The following CD226 variants were observed in gnomAD, a reference collection of about 807,000 sequenced individuals.
The protein encoded by CD226 is CD226 antigen.
Under a neutral mutation model 34.9 loss-of-function variants are expected in CD226, and 24 were observed. The observed-to-expected ratio is 0.69, with a 90% CI of 0.50 to 0.97. The LOEUF is 0.97. Ranked by LOEUF, CD226 falls within the 50% of genes least tolerant of loss-of-function variation. The probability of loss-of-function intolerance (pLI) is 0.00; values close to 1 mark genes in which losing one functional copy is unlikely to be tolerated. For synonymous variants in CD226, 148 were observed against 147.4 expected (o/e 1.00, Z -0.03); for missense variants, 397 against 412.7 (o/e 0.96, Z 0.33).
intron 2 of CD226, among the ~76,000 whole-genome samples, chr18:69,914,959 G>GT (rs2145295320): frequency 6.6e-6 from 1 of 152,280 alleles, no homozygotes; most frequent in South Asian, 2.1e-4. Flanking sequence ...TTACTTTGAA[G>GT]TATTAGAGCT....
intron 4 of CD226, among the ~76,000 whole-genome samples, chr18:69,869,476 G>A (rs1402937636): frequency 2.0e-5 from 3 of 152,076 alleles, no homozygotes; most frequent in Non-Finnish European, 2.9e-5. Flanking sequence ...ACACATAGAC[G>A]GGAACAACAC....
chr18:69,958,295 A>C (rs2055912269), upstream of CD226, among the ~76,000 whole-genome samples: 1 of 152,210 alleles, frequency 6.6e-6, no homozygotes, highest in East Asian at 1.9e-4. Flanking sequence ...CCAGGTGCTC[A>C]GTCAGCACTT....
At chr18:69,881,520 G>A (rs113363075) in intron 3 of CD226, among the ~76,000 whole-genome samples, 108 of 152,252 alleles carry the variant, frequency 7.1e-4, no homozygotes, top group Middle Eastern at 3.4e-3. Flanking sequence ...AACCACAAGG[G>A]TAGCTATGAG....
At chr18:69,927,471 T>C (rs2055536898) in intron 2 of CD226, among the ~76,000 whole-genome samples, 2 of 152,270 alleles carry the variant, frequency 1.3e-5, no homozygotes, top group Non-Finnish European at 1.5e-5. Context: ...CATTGTTGTA[T>C]ACCCAATTTT....
intron 3 of CD226, among the ~76,000 whole-genome samples, chr18:69,892,528 A>G (rs1308583057): frequency 6.6e-6 from 1 of 152,208 alleles, no homozygotes. Context: ...ACATTTCAGG[A>G]CATAAGTGCA....
rs1982677406 is a variant in CD226 at position 69,858,561 on chromosome 18, C to G, written c.*5753G>C. 1 of 152,034 alleles carries G rather than the reference C, an allele frequency of 6.6e-6. No individual in the cohort carries two copies. The highest frequency in any genetic ancestry group is 1.5e-5 in the Non-Finnish European group (1 of 68,044). The allele number at this position is 152,034 out of a possible 1,614,324, so 9.4% of individuals were successfully genotyped here. ...CTGCTCAGATTCACTGCCCTGTGTT[C>G]TAGGGAGGGTATCGAAGCCCAAATT... On this transcript the variant is annotated 3_prime_UTR_variant, in exon 6 of 6. Transcript: ENST00000582621.
chr18:69,893,361 T>A (rs1985018007), intron 3 of CD226, among the ~76,000 whole-genome samples: 1 of 152,240 alleles, frequency 6.6e-6, no homozygotes, highest in Non-Finnish European at 1.5e-5. Flanking sequence ...AGAAACTTAG[T>A]CATCTTTGGA....
chr18:69,875,121 C>T (rs1788099), intron 3 of CD226, among the ~76,000 whole-genome samples: 147,857 of 152,296 alleles, frequency 0.97, 71,957 homozygotes, highest in East Asian at 1. Flanking sequence ...CATATGATAG[C>T]TTTATTTATT....
At chr18:69,940,946 C>T (rs1340938757) in intron 2 of CD226, among the ~76,000 whole-genome samples, 2 of 152,208 alleles carry the variant, frequency 1.3e-5, no homozygotes, top group Non-Finnish European at 2.9e-5. Flanking sequence ...AGACCCCCTG[C>T]TCTATGCAGC....
At chr18:69,920,610 T>C (rs894796996) in intron 2 of CD226, among the ~76,000 whole-genome samples, 2 of 152,198 alleles carry the variant, frequency 1.3e-5, no homozygotes, top group African/African-American at 4.8e-5. Context: ...ATGTTGTTAT[T>C]TGGGCCAATT....
chr18:69,929,944 G>A (rs1297718959), intron 2 of CD226, among the ~76,000 whole-genome samples: 1 of 152,134 alleles, frequency 6.6e-6, no homozygotes, highest in Non-Finnish European at 1.5e-5. Context: ...CCAGAAATAT[G>A]GAAATTCCAC....
chr18:69,950,190 TCACATGCA>T (rs1179052876), upstream of CD226, among the ~76,000 whole-genome samples: 2 of 151,440 alleles, frequency 1.3e-5, no homozygotes, highest in African/African-American at 4.9e-5. Flanking sequence ...ATGCATACAC[TCACATGCA>T]CGCACACATG....
chr18:69,895,214 G>T (rs1489933056), intron 3 of CD226, among the ~76,000 whole-genome samples: 5 of 152,134 alleles, frequency 3.3e-5, no homozygotes, highest in African/African-American at 1.2e-4. Flanking sequence ...AGAAAAAAAG[G>T]CTCCTGTCTG....
chr18:69,918,077 G>A (rs141909587), intron 2 of CD226, among the ~76,000 whole-genome samples: 135 of 152,322 alleles, frequency 8.9e-4, no homozygotes, highest in African/African-American at 3.1e-3. Context: ...CAACATGGAG[G>A]TGAGTTCATC....
At chr18:69,869,262 G>A (rs537522400) in intron 4 of CD226, among the ~76,000 whole-genome samples, 4 of 152,240 alleles carry the variant, frequency 2.6e-5, no homozygotes, top group African/African-American at 4.8e-5. Context: ...CTCAATACCC[G>A]TCAATGATAG....
chr18:69,936,050 G>A (rs1265183481), intron 2 of CD226, among the ~76,000 whole-genome samples: 3 of 152,132 alleles, frequency 2.0e-5, no homozygotes, highest in Non-Finnish European at 4.4e-5. Context: ...GCATAAAGGA[G>A]GTGAAGGAGG....
intron 2 of CD226, 136 bp from the exon 3 acceptor site, chr18:69,896,181 C>CCTT: frequency 8.3e-7 from 1 of 1,206,304 alleles, no homozygotes; most frequent in Non-Finnish European, 1.1e-6. Context: ...CTTTATACTA[C>CCTT]TTTTTTTTTT....
In CD226 at chr18:69,896,251, G is replaced by A. The variant is rs371663677; in HGVS notation, c.383-206C>T. 9.5e-5 allele frequency: 61 copies of A among 638,914 alleles called. No homozygotes were observed. The East Asian group carries it at 5.4e-3, about 56-fold the overall frequency. 39.6% of individuals were successfully genotyped at this position (638,914 alleles called of 1,614,324 possible). ...GACTAGAGTGCAGTGGTGTGATCTC[G>A]GCTCAATGCAACCTCCACCTCCCAG... On this transcript the variant is annotated intron_variant, in intron 2 of 5. Coordinates refer to ENST00000582621, the MANE Select transcript of CD226 (RefSeq NM_001303618.2).
intron 4 of CD226, 63 bp downstream of exon 4, chr18:69,873,081 T>G (rs540482539): frequency 4.5e-6 from 4 of 891,884 alleles, no homozygotes; most frequent in East Asian, 2.4e-5. Context: ...GACAAATTAC[T>G]GGGTTATTAA....
Sources: gnomAD v4.1 joint callset for allele counts (sites outside exome capture counted in the v4.1 genomes callset) on GRCh38, gnomAD v4.1.1 for gene constraint, MANE v1.5 for transcripts, NCBI Gene and HGNC (gene_info 2026-07-23, HGNC 2026-07-21) for gene names.